Variants in DCBLD2 observed in about 807,000 individuals in gnomAD.
DCBLD2 encodes discoidin, CUB and LCCL domain containing 2, also known as discoidin, CUB and LCCL domain-containing protein 2.
DCBLD2 carries 54 observed loss-of-function variants against 86.8 expected under a neutral mutation model. The observed-to-expected ratio is 0.62, with a 90% CI of 0.50 to 0.78. The LOEUF is 0.78. Ranked by LOEUF, DCBLD2 falls within the 30% of genes least tolerant of loss-of-function variation. DCBLD2 has a pLI of 0.00. For missense variants in DCBLD2, 908 were observed against 954.2 expected, an observed-to-expected ratio of 0.95 and a Z score of 0.64; for synonymous variants, 354 against 341.3, an observed-to-expected ratio of 1.04 and a Z score of -0.41.
At chr3:98,831,875 T>G (rs1942330272) in intron 3 of DCBLD2, among the ~76,000 whole-genome samples, 1 of 152,214 alleles carries the variant, frequency 6.6e-6, no homozygotes, top group Non-Finnish European at 1.5e-5. Context: ...TGGTCATTTT[T>G]AGAGTATGTG....
chr3:98,808,042 T>C, intron 13 of DCBLD2, 39 bp downstream of exon 13: 1 of 1,425,214 alleles, frequency 7.0e-7, no homozygotes, highest in African/African-American at 1.5e-5. Flanking sequence ...ACTTCACATT[T>C]GGTAGTTTTG....
chr3:98,803,078 T>C (rs1193169513), intron 13 of DCBLD2, among the ~76,000 whole-genome samples: 4 of 152,094 alleles, frequency 2.6e-5, no homozygotes, highest in South Asian at 2.1e-4. Flanking sequence ...TTTTCCAATT[T>C]TGTGAAGAAA....
Position 98,839,021 on chromosome 3 carries a change from C to G in DCBLD2, c.571+10440G>C, listed in dbSNP as rs1478244179. Among the ~76,000 whole-genome samples the G allele has an allele frequency of 3.8e-5, 4 of 104,646 alleles. No homozygotes were observed. The South Asian group carries it at 9.0e-4, about 24-fold the overall frequency. 68.7% of individuals were successfully genotyped at this position (104,646 alleles called of 152,430 possible). ...GCTTCGGCTCCGCATGAGAGGGAGACCGTCGGGAGAGGGAGAGGGAGAGGG... is the reference window on the plus strand; with the variant it reads ...GCTTCGGCTCCGCATGAGAGGGAGAGCGTCGGGAGAGGGAGAGGGAGAGGG... On this transcript the variant is annotated intron_variant, in intron 3 of 15. Coordinates refer to ENST00000326840, the MANE Select transcript of DCBLD2 (RefSeq NM_080927.4).
At chr3:98,805,409 C>T (rs763206299) in intron 13 of DCBLD2, among the ~76,000 whole-genome samples, 4 of 151,602 alleles carry the variant, frequency 2.6e-5, no homozygotes, top group Admixed American at 6.6e-5. Context: ...AGTTAGATGC[C>T]CTATATTGCT....
At chr3:98,878,121 A>C (rs762993286) in intron 2 of DCBLD2, among the ~76,000 whole-genome samples, 4 of 152,198 alleles carry the variant, frequency 2.6e-5, no homozygotes, top group African/African-American at 9.7e-5. Context: ...TATAAGTTTG[A>C]TGAGTAACAG....
In DCBLD2 at chr3:98,817,774, C is replaced by T; in HGVS notation, c.1207G>A (p.Asp403Asn). The T allele has an allele frequency of 2.5e-6, 4 of 1,613,398 alleles. No individual in the cohort carries two copies. Among genetic ancestry groups the T allele is most frequent in the Non-Finnish European group, 3.4e-6 (4 of 1,179,544 alleles). Reference protein sequence around the residue: ...TVYREPGVEQDKIFQGNKDYH... With the variant: ...TVYREPGVEQNKIFQGNKDYH... ...TACCTTGGTAATCATTTTACCTTATCTTGCTCCACACCAGGCTCTCTGTAC... is the reference window on the plus strand; with the variant it reads ...TACCTTGGTAATCATTTTACCTTATTTTGCTCCACACCAGGCTCTCTGTAC... The change falls in exon 9 of 16, where the codon GAT becomes AAT. Residue 403 changes from aspartate (D) to asparagine (N), a missense_variant. Transcript: ENST00000326840.
rs151180679 is a variant in DCBLD2 at position 98,809,020 on chromosome 3, C to CAT, written c.1577-848_1577-847dup. ...CGTTACATCATAATGGCAAAACATTCATATATATATATATGGGAAGGTAAC... is the reference window on the plus strand; with the variant it reads ...CGTTACATCATAATGGCAAAACATTCATATATATATATATATGGGAAGGTAAC... On this transcript the variant is annotated intron_variant, in intron 12 of 15. Coordinates refer to ENST00000326840, the MANE Select transcript of DCBLD2 (RefSeq NM_080927.4). Among the ~76,000 whole-genome samples, 1,212 of 150,966 alleles carry CAT rather than the reference C, an allele frequency of 8.0e-3. 20 individuals are homozygous for CAT. Among genetic ancestry groups the CAT allele is most frequent in the African/African-American group, 0.028 (1,139 of 41,222 alleles).
chr3:98,859,251 A>G (rs572067633), intron 2 of DCBLD2, among the ~76,000 whole-genome samples: 8 of 152,294 alleles, frequency 5.3e-5, no homozygotes, highest in East Asian at 1.9e-4. Flanking sequence ...GTGGAGCCCA[A>G]CGCAGCTCAA....
At chr3:98,829,165 C>A (rs976183561) in intron 3 of DCBLD2, among the ~76,000 whole-genome samples, 3 of 151,990 alleles carry the variant, frequency 2.0e-5, no homozygotes, top group African/African-American at 4.8e-5. Flanking sequence ...TATTTAATTT[C>A]AACTTTTATT....
At chr3:98,886,387 A>G (rs1044037175) in intron 1 of DCBLD2, among the ~76,000 whole-genome samples, 4 of 151,968 alleles carry the variant, frequency 2.6e-5, no homozygotes, top group Non-Finnish European at 4.4e-5. Flanking sequence ...AGGCTACACC[A>G]CCTACTATTA....
chr3:98,862,101 G>C (rs189195573), intron 2 of DCBLD2, among the ~76,000 whole-genome samples: 28 of 151,914 alleles, frequency 1.8e-4, no homozygotes, highest in Non-Finnish European at 3.7e-4. Context: ...ACACCTCTAC[G>C]CAAATAAACA....
chr3:98,870,120 G>A (rs181706499), intron 2 of DCBLD2, among the ~76,000 whole-genome samples: 145 of 146,866 alleles, frequency 9.9e-4, no homozygotes, highest in Non-Finnish European at 1.8e-3. Context: ...TTTTGTAGAC[G>A]GTGAGAGATA....
At position 98,840,318 on chromosome 3, in the gene DCBLD2, G is replaced by C. The variant is rs76311491; in HGVS notation, c.571+9143C>G. ...GAATTGGCAGCTGAATATGAAGCTT[G>C]AGAAAAAGAGAGGAGTCAAAGATAC... On this transcript the variant is annotated intron_variant, in intron 3 of 15. Coordinates refer to ENST00000326840, the MANE Select transcript of DCBLD2 (RefSeq NM_080927.4). Among the ~76,000 whole-genome samples, 205 of 152,284 alleles carry C rather than the reference G, an allele frequency of 1.3e-3. 6 individuals carry two copies. In the East Asian group the frequency reaches 0.037, roughly 28 times the overall value.
intron 3 of DCBLD2, 91 bp downstream of exon 3, chr3:98,849,370 A>T (rs774995519): frequency 2.0e-6 from 3 of 1,518,722 alleles, no homozygotes; most frequent in African/African-American, 2.7e-5. Context: ...GCTCTATTCC[A>T]ATTTCAGAAA....
intron 2 of DCBLD2, among the ~76,000 whole-genome samples, chr3:98,868,216 A>G (rs1943194249): frequency 6.6e-6 from 1 of 152,230 alleles, no homozygotes; most frequent in African/African-American, 2.4e-5. Context: ...CTGCAACATA[A>G]GCCCTTCTTA....
At chr3:98,843,264 G>A (rs888304163) in intron 3 of DCBLD2, among the ~76,000 whole-genome samples, 3 of 152,164 alleles carry the variant, frequency 2.0e-5, no homozygotes, top group African/African-American at 7.2e-5. Context: ...AGATAGGAAT[G>A]TAAACTGAAA....
intron 3 of DCBLD2, among the ~76,000 whole-genome samples, chr3:98,828,332 C>A (rs1350573399): frequency 1.3e-5 from 2 of 151,932 alleles, no homozygotes; most frequent in African/African-American, 4.8e-5. Context: ...TATCTAATAT[C>A]CAGAATAAAG....
chr3:98,877,188 G>C (rs577746745), intron 2 of DCBLD2, among the ~76,000 whole-genome samples: 6 of 152,036 alleles, frequency 3.9e-5, no homozygotes, highest in African/African-American at 1.2e-4. Context: ...CAAGGATAAA[G>C]AAAAAACCTA....
At position 98,799,693 on chromosome 3, in the gene DCBLD2, T is replaced by C; in HGVS notation, c.2007A>G (p.Pro669=). The C allele has an allele frequency of 6.2e-7, 1 of 1,613,768 alleles. No individual in the cohort carries two copies. The highest frequency in any genetic ancestry group is 8.5e-7 in the Non-Finnish European group (1 of 1,179,824). The change falls in exon 16 of 16, where the codon CCA becomes CCG. Residue 669 remains proline (P), a synonymous_variant. Coordinates refer to ENST00000326840, the MANE Select transcript of DCBLD2 (RefSeq NM_080927.4). Reference sequence around the variant, plus strand: ...CATACTCAGGCCCCGTAATTGGGAGTGGTTCAGCATAGGCATGATAAACTT... The same window carrying C: ...CATACTCAGGCCCCGTAATTGGGAGCGGTTCAGCATAGGCATGATAAACTT... ...GQEVYHAYAE[P]LPITGPEYAT...
Sources: allele counts gnomAD v4.1 joint callset (sites outside exome capture counted in the v4.1 genomes callset), GRCh38; gene constraint gnomAD v4.1.1; transcripts MANE v1.5; gene names NCBI Gene and HGNC (gene_info 2026-07-23, HGNC 2026-07-21).